ODR4: variants seen among roughly 807,000 people sequenced by gnomAD.
ODR4 encodes the protein odr-4 GPCR localization factor homolog.
In ODR4, 47 loss-of-function variants were observed where a neutral mutation model predicts 60.2. The observed-to-expected ratio is 0.78, with a 90% CI of 0.62 to 1.00. The LOEUF (loss-of-function observed/expected upper bound fraction) is 1.00. Ranked by LOEUF, ODR4 falls within the 50% of genes least tolerant of loss-of-function variation. The pLI is 0.00. For missense variants in ODR4, 488 were observed against 530.8 expected (o/e 0.92, Z 0.79); for synonymous variants, 178 against 175.5 (o/e 1.01, Z -0.11).
intron 12 of ODR4, chr1:186,411,772 A>G: frequency 1.6e-6 from 1 of 628,100 alleles, no homozygotes; most frequent in Non-Finnish European, 2.0e-6. Flanking sequence ...GTATTTAAAA[A>G]TTATTTACTG....
the ODR4 span, among the ~76,000 whole-genome samples, chr1:186,426,759 CAAAA>C: frequency 7.2e-5 from 11 of 151,848 alleles, no homozygotes; most frequent in African/African-American, 2.4e-4. Flanking sequence ...TAGTATATGT[CAAAA>C]AAAGAAGATT....
At chr1:186,428,666 C>T in the ODR4 span, among the ~76,000 whole-genome samples, 61 of 152,206 alleles carry the variant, frequency 4.0e-4, no homozygotes, top group Non-Finnish European at 6.2e-4. Context: ...CCTCATTTAG[C>T]TTAATCATTT....
At chr1:186,414,309 A>G (rs1326780642) in intron 12 of ODR4, among the ~76,000 whole-genome samples, 1 of 152,108 alleles carries the variant, frequency 6.6e-6, no homozygotes, top group Non-Finnish European at 1.5e-5. Flanking sequence ...TCAGAGTACG[A>G]TCTTCTAGAG....
At chr1:186,385,447 C>T (rs961937729) in intron 3 of ODR4, among the ~76,000 whole-genome samples, 18 of 151,176 alleles carry the variant, frequency 1.2e-4, no homozygotes, top group African/African-American at 2.9e-4. Context: ...AAAGCCCTGT[C>T]GGAGTTCAGA....
At chr1:186,403,521 A>T (rs889356657) in intron 11 of ODR4, among the ~76,000 whole-genome samples, 2 of 152,148 alleles carry the variant, frequency 1.3e-5, no homozygotes, top group African/African-American at 4.8e-5. Flanking sequence ...AATGTATGCC[A>T]TAAAATTAAC....
rs1661164198 is a variant in ODR4, at chr1:186,406,085, T to G, written c.1003T>G (p.Ser335Ala). Residue 335 changes from serine to alanine, a missense_variant and splice_region_variant, in exon 12 of 14, where the codon TCT (serine) becomes GCT (alanine). Ser to Ala is a moderately conservative substitution (Grantham distance 99). Transcript: ENST00000287859. ...GATAATATTTCTTTTCCTTTTAGATTCTGAAAAAGAGTTCCACGTCCTCCC... is the reference window on the plus strand; with the variant it reads ...GATAATATTTCTTTTCCTTTTAGATGCTGAAAAAGAGTTCCACGTCCTCCC... Reference protein sequence around the residue: ...LLNEIPEKKDSEKEFHVLPYR... With the variant: ...LLNEIPEKKDAEKEFHVLPYR... 6.4e-7 allele frequency: 1 copy of G among 1,551,692 alleles called. No homozygotes were observed. Among genetic ancestry groups the G allele is most frequent in the Non-Finnish European group, 8.7e-7 (1 of 1,149,872 alleles).
downstream of ODR4, among the ~76,000 whole-genome samples, chr1:186,421,879 A>AATG (rs1661793426): frequency 6.7e-5 from 9 of 135,136 alleles, no homozygotes; most frequent in African/African-American, 2.2e-4. Flanking sequence ...AAAAAAAAAA[A>AATG]ATGATGAATC....
chr1:186,431,447 G>A, the ODR4 span, among the ~76,000 whole-genome samples: 1 of 152,054 alleles, frequency 6.6e-6, no homozygotes. Flanking sequence ...TATTTGGGAG[G>A]CTTATCTAAT....
intron 11 of ODR4, among the ~76,000 whole-genome samples, chr1:186,400,241 C>T (rs1263560345): frequency 4.0e-5 from 6 of 151,362 alleles, no homozygotes; most frequent in African/African-American, 1.2e-4. Context: ...CCGCCCGTCT[C>T]GGCCTCCCAA....
chr1:186,401,932 C>A (rs1571687276), intron 11 of ODR4, among the ~76,000 whole-genome samples: 1 of 152,078 alleles, frequency 6.6e-6, no homozygotes, highest in East Asian at 1.9e-4. Flanking sequence ...GGTATTATTT[C>A]TTTTTTAAAG....
intron 11 of ODR4, among the ~76,000 whole-genome samples, chr1:186,400,052 C>T (rs555045896): frequency 3.3e-4 from 43 of 131,766 alleles, no homozygotes; most frequent in Middle Eastern, 4.6e-3. Flanking sequence ...AGTGCAGTGG[C>T]GCGATCTCGA....
At chr1:186,401,894 A>AT (rs913072237) in intron 11 of ODR4, among the ~76,000 whole-genome samples, 1 of 151,862 alleles carries the variant, frequency 6.6e-6, no homozygotes, top group Non-Finnish European at 1.5e-5. Context: ...TCTGTGCTTC[A>AT]TTTTTTTGTA....
chr1:186,399,365 C>A (rs575777228), intron 11 of ODR4, among the ~76,000 whole-genome samples: 5 of 152,258 alleles, frequency 3.3e-5, no homozygotes, highest in African/African-American at 1.2e-4. Flanking sequence ...GCCATGATGC[C>A]TTGCTAATTT....
intron 6 of ODR4, among the ~76,000 whole-genome samples, chr1:186,389,851 A>G (rs1660393032): frequency 6.6e-6 from 1 of 152,212 alleles, no homozygotes; most frequent in South Asian, 2.1e-4. Flanking sequence ...GCAGTGATGC[A>G]GTCATAGCTC....
chr1:186,428,130 T>C, the ODR4 span, among the ~76,000 whole-genome samples: 1 of 152,228 alleles, frequency 6.6e-6, no homozygotes, highest in South Asian at 2.1e-4. Context: ...CTTTGAAGCT[T>C]TGAAGTCAGG....
At chr1:186,377,653 T>G (rs1180035087) in intron 1 of ODR4, among the ~76,000 whole-genome samples, 1 of 152,204 alleles carries the variant, frequency 6.6e-6, no homozygotes, top group African/African-American at 2.4e-5. Flanking sequence ...TAAAAGCCCT[T>G]AACTTCACAG....
chr1:186,392,317 G>A (rs1660499981), intron 8 of ODR4, among the ~76,000 whole-genome samples: 1 of 152,120 alleles, frequency 6.6e-6, no homozygotes, highest in African/African-American at 2.4e-5. Flanking sequence ...TTGTTTTATT[G>A]TAAAGACACA....
chr1:186,378,305 A>G (rs1659872662), intron 1 of ODR4, among the ~76,000 whole-genome samples: 1 of 152,212 alleles, frequency 6.6e-6, no homozygotes, highest in Admixed American at 6.5e-5. Context: ...AATCCAAATG[A>G]TGATGATTCC....
chr1:186,426,339 G>A (rs1377501779), downstream of ODR4, among the ~76,000 whole-genome samples: 2 of 152,216 alleles, frequency 1.3e-5, no homozygotes, highest in African/African-American at 4.8e-5. Flanking sequence ...ACTCAGTTGG[G>A]TGGCCCTGCT....
Sources: allele counts gnomAD v4.1 joint callset (sites outside exome capture counted in the v4.1 genomes callset), GRCh38; gene constraint gnomAD v4.1.1; transcripts MANE v1.5; gene names NCBI Gene and HGNC (gene_info 2026-07-23, HGNC 2026-07-21).